LILRB1: variants seen among roughly 807,000 people sequenced by gnomAD.
LILRB1 encodes leukocyte immunoglobulin-like receptor subfamily B member 1.
A neutral mutation model predicts 74.6 loss-of-function variants in LILRB1; 59 were observed. That is an observed-to-expected ratio of 0.79 (90% confidence interval 0.64 to 0.98). The LOEUF is 0.98. Among genes scored for constraint, LILRB1 ranks in the 50% least tolerant of loss-of-function variants. The pLI is 0.00. For synonymous variants in LILRB1, 328 were observed against 333.9 expected (o/e 0.98, Z 0.19); for missense variants, 804 against 822.6 (o/e 0.98, Z 0.28).
At chr19:54,630,733 C>A in intron 1 of LILRB1, 100 bp downstream of exon 1, 1 of 644,120 alleles carries the variant, frequency 1.6e-6, no homozygotes, top group South Asian at 1.8e-5. Flanking sequence ...CTACCCTCGT[C>A]AGGAAGGGCA....
chr19:54,632,745 G>C lies in LILRB1; in HGVS notation c.943G>C (p.Asp315His). 6.2e-7 allele frequency: 1 copy of C among 1,612,146 alleles called. No individual in the cohort carries two copies. The highest frequency in any genetic ancestry group is 8.5e-7 in the Non-Finnish European group (1 of 1,179,962). ...GTGGTCGGCCCCCAGCGACCCCCTG[G>C]ACATCCTGATCGCAGGTGAGGAGCC... Reference protein sequence around the residue: ...SEWSAPSDPLDILIAGQFYDR... With the variant: ...SEWSAPSDPLHILIAGQFYDR... The change falls in exon 6 of 15, where the codon GAC becomes CAC. Residue 315 changes from aspartate to histidine, a missense_variant. By Grantham distance (81) the Asp-to-His change is moderately conservative (BLOSUM62 -1). Transcript: ENST00000324602.
Position 54,635,261 on chromosome 19 carries a change from C to A in LILRB1, c.1565C>A (p.Ser522Tyr). ...TAAAGCTCCCATTCTTCCCCCAGGT[C>A]CAGCCCAGCTGCCGATGCCCAGGAA... ...EPTDRGLQWR[S>Y]SPAADAQEEN... The change falls in exon 12 of 15, where the codon TCC becomes TAC. Residue 522 changes from serine to tyrosine, a missense_variant and splice_region_variant. Physicochemically the swap from Ser to Tyr is moderately radical, Grantham distance 144. Coordinates refer to ENST00000324602, the MANE Select transcript of LILRB1 (RefSeq NM_001081637.3). 2 of 1,612,362 alleles carry A rather than the reference C, an allele frequency of 1.2e-6. No individual in the cohort carries two copies. The highest frequency in any genetic ancestry group is 1.7e-6 in the Non-Finnish European group (2 of 1,178,518).
chr19:54,634,171 G>A (rs2064177463), intron 9 of LILRB1, 150 bp downstream of exon 9: 1 of 1,509,506 alleles, frequency 6.6e-7, no homozygotes, highest in East Asian at 2.5e-5. Flanking sequence ...AAGGTGAGAG[G>A]CCTGCGGGTG....
Position 54,633,241 on chromosome 19 carries a change from A to G in LILRB1, c.1184A>G (p.Tyr395Cys). 4 of 1,614,134 alleles carry G rather than the reference A, an allele frequency of 2.5e-6. No homozygotes were observed. The highest frequency in any genetic ancestry group is 3.4e-6 in the Non-Finnish European group (4 of 1,180,006). Reference sequence around the variant, plus strand: ...GTGACCTCAGCCCATGCGGGGACCTACAGGTGCTACGGCTCACAGAGCTCC... The same window carrying G: ...GTGACCTCAGCCCATGCGGGGACCTGCAGGTGCTACGGCTCACAGAGCTCC... The part of the protein sequence containing the change: ...GPVTSAHAGT[Y>C]RCYGSQSSKP... Residue 395 changes from tyrosine (Y) to cysteine (C), a missense_variant, in exon 7 of 15, where the codon TAC (tyrosine) becomes TGC (cysteine). Physicochemically the swap from Tyr to Cys is radical, Grantham distance 194. Coordinates refer to ENST00000324602, the MANE Select transcript of LILRB1 (RefSeq NM_001081637.3).
At chr19:54,631,228 C>G in intron 2 of LILRB1, 43 bp from the exon 3 acceptor site, 7 of 1,614,026 alleles carry the variant, frequency 4.3e-6, no homozygotes, top group Non-Finnish European at 4.2e-6. Context: ...AGGACCTGCC[C>G]AGGCTTCAGG....
At chr19:54,630,128 G>A (rs962457804), upstream of LILRB1, among the ~76,000 whole-genome samples, 1 of 126,252 alleles carries the variant, frequency 7.9e-6, no homozygotes, top group Non-Finnish European at 1.8e-5. Flanking sequence ...GACAACAGTC[G>A]GCAAAGGAAG....
chr19:54,628,998 C>T (rs1331922655), upstream of LILRB1, among the ~76,000 whole-genome samples: 3 of 152,190 alleles, frequency 2.0e-5, no homozygotes, highest in South Asian at 2.1e-4. Context: ...CTTCCCTCTC[C>T]GGACACACTG....
intron 1 of LILRB1, among the ~76,000 whole-genome samples, chr19:54,622,288 C>T (rs954038513): frequency 1.3e-5 from 2 of 152,118 alleles, no homozygotes; most frequent in Admixed American, 6.6e-5. Flanking sequence ...GCAATATGGT[C>T]ATTTTAACAA....
chr19:54,633,731 C>G, intron 8 of LILRB1, 43 bp downstream of exon 8: 1 of 1,585,436 alleles, frequency 6.3e-7, no homozygotes, highest in Non-Finnish European at 8.6e-7. Flanking sequence ...TGCGGCCTCC[C>G]CCAGGGCAGC....
In LILRB1 at chr19:54,631,317, C is replaced by T. The variant is rs372678327; in HGVS notation, c.70+11C>T. The T allele has an allele frequency of 3.2e-4, 524 of 1,613,142 alleles. 2 individuals carry two copies. In the East Asian group the frequency reaches 9.4e-3, roughly 29 times the overall value. On this transcript the variant is annotated intron_variant, in intron 3 of 14. Coordinates refer to ENST00000324602, the MANE Select transcript of LILRB1 (RefSeq NM_001081637.3). ...CCCACGTGCAGGCAGGTGAGTCTGT[C>T]CCCAGCTCTTCCAGGTCCCTCCTCC...
chr19:54,629,973 C>T (rs185316378), upstream of LILRB1, among the ~76,000 whole-genome samples: 33 of 152,146 alleles, frequency 2.2e-4, no homozygotes, highest in Non-Finnish European at 4.4e-4. Context: ...CAATCACCTA[C>T]GTAGACTGTG....
chr19:54,618,132 GAAAA>G (rs1182166293), intron 1 of LILRB1, among the ~76,000 whole-genome samples: 1 of 140,364 alleles, frequency 7.1e-6, no homozygotes, highest in Non-Finnish European at 1.6e-5. Context: ...AAGAAAAAAA[GAAAA>G]AAAAAGAGTT....
rs767558870 is a variant in LILRB1 at position 54,630,936 on chromosome 19, T to G, written c.-48-90T>G. ...AGGGTCCTGGGGAGGGCAGTTCCAC[T>G]TCCTGTGTGGCTGCAGATGACAGCA... On this transcript the variant is annotated intron_variant, in intron 1 of 14. Transcript: ENST00000324602. 1.9e-6 allele frequency: 3 copies of G among 1,606,974 alleles called. No homozygotes were observed. The South Asian group carries it at 3.3e-5, about 18-fold the overall frequency.
rs774367726 is a variant in LILRB1, at chr19:54,631,282, G to A, written c.46G>A (p.Gly16Ser). Reference sequence around the variant, plus strand: ...GAACTCTCTTCCAGGGCTGAGTCTGGGCCCCCGGACCCACGTGCAGGCAGG... The same window carrying A: ...GAACTCTCTTCCAGGGCTGAGTCTGAGCCCCCGGACCCACGTGCAGGCAGG... ...TVLICLGLSL[G>S]PRTHVQAGHL... Residue 16 changes from glycine (G) to serine (S), a missense_variant, in exon 3 of 15, where the codon GGC (glycine) becomes AGC (serine). Transcript: ENST00000324602. The A allele has an allele frequency of 1.7e-5, 28 of 1,613,354 alleles. No individual in the cohort carries two copies. Among genetic ancestry groups the A allele is most frequent in the Admixed American group, 3.3e-5 (2 of 60,008 alleles).
rs530938862 is a variant in LILRB1 at position 54,635,571 on chromosome 19, C to G, written c.1615C>G (p.His539Asp). 106 of 1,613,570 alleles carry G rather than the reference C, an allele frequency of 6.6e-5. No individual in the cohort carries two copies. The highest frequency in any genetic ancestry group is 1.1e-4 in the East Asian group (5 of 44,882). ...TGCCCCAGCAGATGCTGCCGTGAAG[C>G]ACACACAGCCTGAGGATGGGGTGGA... ...QEENLYAAVK[H>D]TQPEDGVEMD... Residue 539 changes from histidine to aspartate, a missense_variant, in exon 13 of 15, where the codon CAC becomes GAC. Transcript: ENST00000324602.
Position 54,631,022 on chromosome 19 carries a change from C to T in LILRB1, c.-48-4C>T, listed in dbSNP as rs773870822. The T allele has an allele frequency of 3.1e-6, 5 of 1,614,246 alleles. No individual in the cohort carries two copies. The South Asian group carries it at 4.4e-5, about 14-fold the overall frequency. ...ACACTCTGTGTGTCTCTCTATCCTG[C>T]CAGCACCGAGGGCTCATCCATCCAC... On this transcript the variant is annotated splice_region_variant and splice_polypyrimidine_tract_variant and intron_variant, in intron 1 of 14. Transcript: ENST00000324602.
At chr19:54,626,440 A>T (rs547861883), upstream of LILRB1, among the ~76,000 whole-genome samples, 3 of 152,142 alleles carry the variant, frequency 2.0e-5, no homozygotes, top group Non-Finnish European at 2.9e-5. Flanking sequence ...CTTCATTCTG[A>T]AAGTGTGATC....
chr19:54,619,297 G>A (rs1600306299), intron 1 of LILRB1, among the ~76,000 whole-genome samples: 2 of 152,182 alleles, frequency 1.3e-5, no homozygotes, highest in Non-Finnish European at 2.9e-5. Context: ...GTTTAAGCAT[G>A]TTGTAAGTGG....
At chr19:54,622,622 G>A (rs1414420766) in intron 1 of LILRB1, among the ~76,000 whole-genome samples, 1 of 152,204 alleles carries the variant, frequency 6.6e-6, no homozygotes, top group African/African-American at 2.4e-5. Flanking sequence ...AGCACACACA[G>A]ATAATTTCAC....
Sources: allele counts gnomAD v4.1 joint callset (sites outside exome capture counted in the v4.1 genomes callset), GRCh38; gene constraint gnomAD v4.1.1; transcripts MANE v1.5; gene names NCBI Gene and HGNC (gene_info 2026-07-23, HGNC 2026-07-21).